XNDC1N: variants seen among roughly 807,000 people sequenced by gnomAD.
XNDC1N encodes XRCC1 N-terminal domain containing 1, N-terminal like, also known as protein XNDC1N.
the XNDC1N span, chr11:71,917,831 G>A: frequency 1.4e-6 from 1 of 689,760 alleles, no homozygotes; most frequent in Non-Finnish European, 2.6e-6. Context: ...TGAAGACAAA[G>A]GAATACGGTG....
At chr11:71,918,348 C>T in the XNDC1N span, among the ~76,000 whole-genome samples, 1 of 152,076 alleles carries the variant, frequency 6.6e-6, no homozygotes, top group Non-Finnish European at 1.5e-5. Flanking sequence ...GTGGCATTAT[C>T]ACAGCTCACT....
At chr11:71,878,934 A>G in the XNDC1N span, among the ~76,000 whole-genome samples, 1 of 152,198 alleles carries the variant, frequency 6.6e-6, no homozygotes, top group East Asian at 1.9e-4. Context: ...TGAGATGTCA[A>G]GGCTGCATTC....
chr11:71,894,617 G>T, the XNDC1N span, among the ~76,000 whole-genome samples: 361 of 151,910 alleles, frequency 2.4e-3, no homozygotes, highest in African/African-American at 8.5e-3. Flanking sequence ...CCTCATGACT[G>T]AATCCTCTAT....
At chr11:71,919,055 A>T in the XNDC1N span, 1 of 701,462 alleles carries the variant, frequency 1.4e-6, no homozygotes. Flanking sequence ...GAAAATCAGG[A>T]ATCTCACTGC....
the XNDC1N span, among the ~76,000 whole-genome samples, chr11:71,918,705 G>A: frequency 6.6e-6 from 1 of 152,104 alleles, no homozygotes; most frequent in Admixed American, 6.5e-5. Flanking sequence ...TAGAGCCCTT[G>A]GAGTTCTCCA....
At chr11:71,890,428 G>T in the XNDC1N span, among the ~76,000 whole-genome samples, 1 of 152,052 alleles carries the variant, frequency 6.6e-6, no homozygotes, top group African/African-American at 2.4e-5. Flanking sequence ...CTCCCTTCTG[G>T]AACTTAGGGA....
At chr11:71,875,425 ATATACT>A in the XNDC1N span, among the ~76,000 whole-genome samples, 4 of 152,104 alleles carry the variant, frequency 2.6e-5, no homozygotes, top group African/African-American at 7.2e-5. Flanking sequence ...TAAAAATAAA[ATATACT>A]TATAGGATAT....
At chr11:71,914,785 G>C in the XNDC1N span, among the ~76,000 whole-genome samples, 1 of 152,154 alleles carries the variant, frequency 6.6e-6, no homozygotes, top group African/African-American at 2.4e-5. Flanking sequence ...AACCTGAACA[G>C]ATGAGGAGTT....
the XNDC1N span, among the ~76,000 whole-genome samples, chr11:71,887,363 TC>T: frequency 6.6e-6 from 1 of 152,132 alleles, no homozygotes; most frequent in Admixed American, 6.5e-5. Context: ...AGGGACTTGC[TC>T]AGCAAGCTGA....
At chr11:71,911,137 A>AAGT in the XNDC1N span, among the ~76,000 whole-genome samples, 2 of 152,250 alleles carry the variant, frequency 1.3e-5, no homozygotes, top group African/African-American at 4.8e-5. Flanking sequence ...ACTGCCCTGC[A>AAGT]AGTACAAGAA....
chr11:71,918,545 G>A, the XNDC1N span, among the ~76,000 whole-genome samples: 19 of 152,200 alleles, frequency 1.2e-4, no homozygotes, highest in African/African-American at 4.3e-4. Flanking sequence ...GCCTCCCAAA[G>A]TGTTGGGATT....
chr11:71,925,024 G>A, the XNDC1N span, among the ~76,000 whole-genome samples: 4 of 151,324 alleles, frequency 2.6e-5, no homozygotes, highest in Admixed American at 6.6e-5. Flanking sequence ...TTTTCTCCAC[G>A]ATTTTGCTCA....
chr11:71,896,522 G>C, the XNDC1N span, among the ~76,000 whole-genome samples: 1 of 152,196 alleles, frequency 6.6e-6, no homozygotes, highest in African/African-American at 2.4e-5. Flanking sequence ...CATTATGCTG[G>C]TTTTTAAGCT....
the XNDC1N span, chr11:71,878,340 C>T: frequency 4.4e-6 from 5 of 1,138,202 alleles, no homozygotes; most frequent in Non-Finnish European, 6.4e-6. Flanking sequence ...GTTATTGCTC[C>T]TGAAAGGTTC....
At chr11:71,926,283 C>CATAA in the XNDC1N span, among the ~76,000 whole-genome samples, 2 of 151,952 alleles carry the variant, frequency 1.3e-5, no homozygotes, top group Non-Finnish European at 2.9e-5. Flanking sequence ...TAAATAAATA[C>CATAA]ATAAATAAAT....
At chr11:71,913,754 C>G in the XNDC1N span, among the ~76,000 whole-genome samples, 2 of 151,512 alleles carry the variant, frequency 1.3e-5, no homozygotes, top group Non-Finnish European at 2.9e-5. Flanking sequence ...CGCCTGGCTT[C>G]AAAGGACAAG....
the XNDC1N span, among the ~76,000 whole-genome samples, chr11:71,910,746 C>G: frequency 6.6e-6 from 1 of 152,214 alleles, no homozygotes; most frequent in Admixed American, 6.5e-5. Context: ...CATTTGCCAT[C>G]TAGGGGAGCC....
the XNDC1N span, among the ~76,000 whole-genome samples, chr11:71,870,232 G>A: frequency 6.6e-6 from 1 of 152,168 alleles, no homozygotes; most frequent in Non-Finnish European, 1.5e-5. Flanking sequence ...CCATATCACT[G>A]TCCTTTGGAT....
At chr11:71,894,640 T>A in the XNDC1N span, among the ~76,000 whole-genome samples, 1 of 152,232 alleles carries the variant, frequency 6.6e-6, no homozygotes, top group East Asian at 1.9e-4. Flanking sequence ...CTAGGCGGCC[T>A]CTTTTAGTTT....
Sources: allele counts gnomAD v4.1 joint callset (sites outside exome capture counted in the v4.1 genomes callset), GRCh38; gene constraint gnomAD v4.1.1; transcripts MANE v1.5; gene names NCBI Gene and HGNC (gene_info 2026-07-23, HGNC 2026-07-21).